NR2F1-AS1: variants seen among roughly 807,000 people sequenced by gnomAD.
NR2F1-AS1 encodes the protein NR2F1 antisense RNA 1.
chr5:93,585,588 G>A, upstream of NR2F1-AS1: 1 of 942,826 alleles, frequency 1.1e-6, no homozygotes. Flanking sequence ...TGGGGCTCCT[G>A]TGGTCCCGGC....
At chr5:93,497,659 A>C (rs1750992884) in intron 4 of NR2F1-AS1, among the ~76,000 whole-genome samples, 1 of 152,186 alleles carries the variant, frequency 6.6e-6, no homozygotes, top group Non-Finnish European at 1.5e-5. Flanking sequence ...AAGTTTATAT[A>C]CTATCCTCAA....
chr5:93,427,287 CTT>C (rs1218909852), intron 4 of NR2F1-AS1, among the ~76,000 whole-genome samples: 3 of 152,114 alleles, frequency 2.0e-5, no homozygotes, highest in Non-Finnish European at 4.4e-5. Context: ...TTTAGACACA[CTT>C]ATATCCTGTT....
chr5:93,461,387 C>G (rs546154942), intron 4 of NR2F1-AS1, among the ~76,000 whole-genome samples: 1 of 152,130 alleles, frequency 6.6e-6, no homozygotes, highest in East Asian at 1.9e-4. Flanking sequence ...GGATGCTGAG[C>G]TTAATACTGA....
At chr5:93,426,097 G>T (rs1382841578) in intron 4 of NR2F1-AS1, among the ~76,000 whole-genome samples, 1 of 151,666 alleles carries the variant, frequency 6.6e-6, no homozygotes, top group Non-Finnish European at 1.5e-5. Context: ...ACCCAGGCTG[G>T]AGTGCAGTGG....
At chr5:93,548,747 T>C (rs1332860603) in intron 4 of NR2F1-AS1, among the ~76,000 whole-genome samples, 1 of 151,262 alleles carries the variant, frequency 6.6e-6, no homozygotes, top group East Asian at 1.9e-4. Context: ...GGCACATGCC[T>C]GTAATCCCAG....
At chr5:93,538,887 G>T (rs545032907) in intron 4 of NR2F1-AS1, among the ~76,000 whole-genome samples, 2 of 152,020 alleles carry the variant, frequency 1.3e-5, no homozygotes, top group Admixed American at 6.5e-5. Flanking sequence ...AATTGGTTTC[G>T]TTATACATCA....
At chr5:93,456,651 ATTTTTAATTTTTTTTT>A (rs1026733279) in intron 4 of NR2F1-AS1, among the ~76,000 whole-genome samples, 6 of 151,080 alleles carry the variant, frequency 4.0e-5, no homozygotes, top group African/African-American at 1.5e-4. Context: ...AATTTTTTAC[ATTTTTAATTTTTTTTT>A]TTTTTAATAG....
At chr5:93,584,079 C>G (rs1212130710), upstream of NR2F1-AS1, 1 of 151,622 alleles carries the variant, frequency 6.6e-6, no homozygotes, top group African/African-American at 2.4e-5. Context: ...CCCTGATCGC[C>G]GGCGGCAGCC....
At chr5:93,570,266 G>C (rs751435804) in intron 1 of NR2F1-AS1, 1 of 152,248 alleles carries the variant, frequency 6.6e-6, no homozygotes, top group Non-Finnish European at 1.5e-5. Flanking sequence ...TCAGGTGTGA[G>C]GGTCCCCAAC....
upstream of NR2F1-AS1, chr5:93,584,618 C>CG (rs1353276313): frequency 4.0e-4 from 19 of 47,104 alleles, no homozygotes; most frequent in African/African-American, 1.6e-3. Flanking sequence ...GCTTGCTCGC[C>CG]GGGGGGTGGG....
At chr5:93,417,885 G>A (rs1749001246) in intron 4 of NR2F1-AS1, among the ~76,000 whole-genome samples, 1 of 152,092 alleles carries the variant, frequency 6.6e-6, no homozygotes, top group African/African-American at 2.4e-5. Context: ...TCTCCTTGTA[G>A]GTCATCACCA....
At chr5:93,452,991 T>C (rs999036587) in intron 4 of NR2F1-AS1, among the ~76,000 whole-genome samples, 2 of 151,300 alleles carry the variant, frequency 1.3e-5, no homozygotes, top group African/African-American at 2.4e-5. Context: ...ACACAATCAA[T>C]AGAAACCTAG....
At chr5:93,539,924 G>T (rs1580315553) in intron 4 of NR2F1-AS1, among the ~76,000 whole-genome samples, 1 of 151,984 alleles carries the variant, frequency 6.6e-6, no homozygotes, top group Non-Finnish European at 1.5e-5. Context: ...GAGACAGAAA[G>T]GAATAAAAAA....
chr5:93,472,670 CAG>C (rs1332028940), intron 4 of NR2F1-AS1, among the ~76,000 whole-genome samples: 1 of 151,498 alleles, frequency 6.6e-6, no homozygotes, highest in African/African-American at 2.4e-5. Flanking sequence ...ACAAAAAAAA[CAG>C]AAATCACACA....
chr5:93,475,095 G>A (rs867984685), intron 4 of NR2F1-AS1, among the ~76,000 whole-genome samples: 4 of 148,470 alleles, frequency 2.7e-5, no homozygotes, highest in Middle Eastern at 3.6e-3. Flanking sequence ...CTGCACTCCA[G>A]CCTGGGCAAC....
intron 2 of NR2F1-AS1, among the ~76,000 whole-genome samples, chr5:93,561,121 A>G (rs967860924): frequency 6.6e-6 from 1 of 152,184 alleles, no homozygotes. Context: ...TAAAAATACA[A>G]AATTAGCTGG....
At chr5:93,571,506 CT>C (rs1449997144) in intron 1 of NR2F1-AS1, among the ~76,000 whole-genome samples, 2 of 150,868 alleles carry the variant, frequency 1.3e-5, no homozygotes, top group Non-Finnish European at 2.9e-5. Flanking sequence ...GACTGACACA[CT>C]TTGCGAGTTG....
intron 4 of NR2F1-AS1, among the ~76,000 whole-genome samples, chr5:93,497,023 A>G (rs189659438): frequency 4.3e-4 from 65 of 152,308 alleles, no homozygotes; most frequent in African/African-American, 1.5e-3. Context: ...AGACTCAAAC[A>G]CTGTCCAAAT....
intron 4 of NR2F1-AS1, among the ~76,000 whole-genome samples, chr5:93,540,927 T>C (rs1751937437): frequency 6.6e-6 from 1 of 152,236 alleles, no homozygotes. Flanking sequence ...CACATATTAC[T>C]GGTTTGATAG....
Sources: gnomAD v4.1 joint callset for allele counts (sites outside exome capture counted in the v4.1 genomes callset) on GRCh38, gnomAD v4.1.1 for gene constraint, MANE v1.5 for transcripts, NCBI Gene and HGNC (gene_info 2026-07-23, HGNC 2026-07-21) for gene names.